Variants in ANKLE1 observed in about 807,000 individuals in gnomAD.
The protein encoded by ANKLE1 is ankyrin repeat and LEM domain containing 1.
A neutral mutation model predicts 56.2 loss-of-function variants in ANKLE1; 59 were observed. The observed-to-expected ratio is 1.05, with a 90% CI of 0.85 to 1.30. ANKLE1 has a LOEUF of 1.30. ANKLE1 is among the 50% of genes most tolerant of loss of function. ANKLE1 has a pLI of 0.00. For missense variants in ANKLE1, 771 were observed against 816.1 expected, an observed-to-expected ratio of 0.94 and a Z score of 0.67; for synonymous variants, 341 against 352.9, an observed-to-expected ratio of 0.97 and a Z score of 0.38.
chr19:17,284,190 G>C lies in ANKLE1; in HGVS notation c.1300G>C (p.Glu434Gln). 1.2e-6 allele frequency: 2 copies of C among 1,613,854 alleles called. No individual in the cohort carries two copies. The highest frequency in any genetic ancestry group is 1.7e-6 in the Non-Finnish European group (2 of 1,179,882). Residue 434 changes from glutamate (E) to glutamine (Q), a missense_variant, in exon 6 of 9, where the codon GAG (glutamate) becomes CAG (glutamine). Physicochemically the swap from Glu to Gln is conservative, Grantham distance 29. Transcript: ENST00000404085. Reference sequence around the variant, plus strand: ...TGAAGACGCGCTGGCCCAGCAGTTTGAGCAGCCAGATCCTGCCAGGAGGTG... The same window carrying C: ...TGAAGACGCGCTGGCCCAGCAGTTTCAGCAGCCAGATCCTGCCAGGAGGTG... ...ADEDALAQQF[E>Q]QPDPARRWRE...
chr19:17,282,824 A>AGAGG, intron 3 of ANKLE1, 40 bp from the exon 4 acceptor site: 2 of 1,583,166 alleles, frequency 1.3e-6, no homozygotes, highest in Non-Finnish European at 1.7e-6. Context: ...AAGGAAGGTA[A>AGAGG]GAGGGCCTCG....
rs1272599249 is a variant in ANKLE1 at position 17,286,605 on chromosome 19, T to TGCCCCATGCTGACAGCA, written c.*59_*75dup. On this transcript the variant is annotated 3_prime_UTR_variant, in exon 9 of 9. Transcript: ENST00000404085. ...GGGAGAAATGTTTGAATGTTCCAGC[T>TGCCCCATGCTGACAGCA]GCCCCATGCTGACAGCAGCCCCCAT... The TGCCCCATGCTGACAGCA allele has an allele frequency of 6.4e-7, 1 of 1,555,182 alleles. No homozygotes were observed.
At position 17,282,905 on chromosome 19, in the gene ANKLE1, C is replaced by T. The variant is rs1461305522; in HGVS notation, c.363C>T (p.His121=). ...RPLDLALQQG[H]LECARVLQDL... ...TGGACCTGGCCCTGCAGCAGGGACA[C>T]CTGGAGTGCGCGCGAGTCCTGCAGG... The change falls in exon 4 of 9, where the codon CAC becomes CAT. Residue 121 remains histidine, a synonymous_variant. Coordinates refer to ENST00000404085, the MANE Select transcript of ANKLE1 (RefSeq NM_152363.6). The T allele has an allele frequency of 1.3e-6, 2 of 1,576,346 alleles. No individual in the cohort carries two copies. The highest frequency in any genetic ancestry group is 3.6e-5 in the Admixed American group (2 of 55,116).
In ANKLE1 at chr19:17,286,596, T is replaced by A. The variant is rs888050625; in HGVS notation, c.*44T>A. Reference sequence around the variant, plus strand: ...TCCAGCCTGGGGAGAAATGTTTGAATGTTCCAGCTGCCCCATGCTGACAGC... The same window carrying A: ...TCCAGCCTGGGGAGAAATGTTTGAAAGTTCCAGCTGCCCCATGCTGACAGC... On this transcript the variant is annotated 3_prime_UTR_variant, in exon 9 of 9. Transcript: ENST00000404085. 1.9e-6 allele frequency: 3 copies of A among 1,563,644 alleles called. No homozygotes were observed. Among genetic ancestry groups the A allele is most frequent in the African/African-American group, 2.7e-5 (2 of 73,464 alleles).
At chr19:17,282,626 G>A (rs1025183305) in intron 2 of ANKLE1, 30 bp from the exon 3 acceptor site, 7 of 1,528,206 alleles carry the variant, frequency 4.6e-6, no homozygotes, top group African/African-American at 1.4e-5. Context: ...GGCTGAGTCC[G>A]CAATGACCCC....
chr19:17,286,751 G>A lies in ANKLE1; in HGVS notation c.*199G>A. 6.9e-7 allele frequency: 1 copy of A among 1,442,098 alleles called. No individual in the cohort carries two copies. Among genetic ancestry groups the A allele is most frequent in the Non-Finnish European group, 9.1e-7 (1 of 1,094,164 alleles). The allele number at this position is 1,442,098 out of a possible 1,614,324, so 89.3% of individuals were successfully genotyped here. On this transcript the variant is annotated 3_prime_UTR_variant, in exon 9 of 9. Transcript: ENST00000404085. ...GGCAGATCTCCCCCAGGCTGAGAGA[G>A]GACTTTGTTACAGATGGTACTGCTG... is the stretch of plus-strand genomic sequence containing the variant.
rs369002862 is a variant in ANKLE1 at position 17,282,081 on chromosome 19, C to A, written c.87C>A (p.Cys29Ter). 214 of 1,540,200 alleles carry A rather than the reference C, an allele frequency of 1.4e-4. No homozygotes were observed. The African/African-American group carries it at 2.2e-3, about 16-fold the overall frequency. ...GGGCAGTAGAGGAGCTGCTGCGCTG[C>A]GGCGCGGACCCTAATTTGGTGCTAG... is the stretch of plus-strand genomic sequence containing the variant. ...EPWAVEELLR[C>*]GADPNLVLED... is the part of the protein sequence containing the mutation. Residue 29 changes from cysteine to a stop codon, truncating the protein, a stop_gained, in exon 2 of 9, where the codon TGC becomes TGA. Coordinates refer to ENST00000404085, the MANE Select transcript of ANKLE1 (RefSeq NM_152363.6). LOFTEE classifies it high-confidence loss of function.
At chr19:17,282,475 G>C in intron 2 of ANKLE1, 181 bp from the exon 3 acceptor site, 2 of 822,794 alleles carry the variant, frequency 2.4e-6, no homozygotes, top group Middle Eastern at 3.6e-4. Context: ...ACCAGGGTCA[G>C]ACGGCAGAGG....
intron 6 of ANKLE1, among the ~76,000 whole-genome samples, chr19:17,285,047 G>A (rs1156903455): frequency 6.6e-6 from 1 of 151,856 alleles, no homozygotes; most frequent in African/African-American, 2.4e-5. Flanking sequence ...ATCACCTGAG[G>A]TCAGCAGTTA....
Position 17,286,511 on chromosome 19 carries a change from G to A in ANKLE1, c.1807G>A (p.Glu603Lys), listed in dbSNP as rs184119045. 1.1e-4 allele frequency: 170 copies of A among 1,611,552 alleles called. 1 individual carries two copies. Among genetic ancestry groups the A allele is most frequent in the Non-Finnish European group, 1.4e-4 (163 of 1,179,240 alleles). ...RALLVFLAEGERQLHPQDIQA... is the reference protein window; with the variant it reads ...RALLVFLAEGKRQLHPQDIQA... ...CCTCCTTGTCTTCCTGGCTGAAGGCGAGCGACAGCTTCATCCCCAGGACAT... is the reference window on the plus strand; with the variant it reads ...CCTCCTTGTCTTCCTGGCTGAAGGCAAGCGACAGCTTCATCCCCAGGACAT... The change falls in exon 9 of 9, where the codon GAG (glutamate) becomes AAG (lysine). Residue 603 changes from glutamate (E) to lysine (K), a missense_variant. Transcript: ENST00000404085.
At position 17,286,420 on chromosome 19, in the gene ANKLE1, T is replaced by A. The variant is rs1341888448; in HGVS notation, c.1716T>A (p.Tyr572Ter). 1 of 1,608,792 alleles carries A rather than the reference T, an allele frequency of 6.2e-7. No individual in the cohort carries two copies. Among genetic ancestry groups the A allele is most frequent in the Non-Finnish European group, 8.5e-7 (1 of 1,177,548 alleles). The change falls in exon 9 of 9, where the codon TAT (tyrosine) becomes TAA (stop). Residue 572 changes from tyrosine to a stop codon, truncating the protein, a stop_gained. Coordinates refer to ENST00000404085, the MANE Select transcript of ANKLE1 (RefSeq NM_152363.6). LOFTEE classifies it high-confidence loss of function. ...CCAACCAGAAGCAAGGGCACTGCTATGGAGTGGTGGCAGGCTGGCCACCTG... is the reference window on the plus strand; with the variant it reads ...CCAACCAGAAGCAAGGGCACTGCTAAGGAGTGGTGGCAGGCTGGCCACCTG... ...TLTNQKQGHC[Y>*]GVVAGWPPAR...
Position 17,282,188 on chromosome 19 carries a change from A to C in ANKLE1, c.194A>C (p.Gln65Pro). The C allele has an allele frequency of 6.6e-7, 1 of 1,521,944 alleles. No individual in the cohort carries two copies. The highest frequency in any genetic ancestry group is 1.2e-5 in the South Asian group (1 of 81,340). 94.3% of individuals were successfully genotyped at this position (1,521,944 alleles called of 1,614,324 possible). A position where few individuals can be genotyped will look rare whatever the true frequency, so the allele number is the denominator to read the frequency against. Residue 65 changes from glutamine (Q) to proline (P), a missense_variant, in exon 2 of 9, where the codon CAA (glutamine) becomes CCA (proline). By Grantham distance (76) the Gln-to-Pro change is moderately conservative. Coordinates refer to ENST00000404085, the MANE Select transcript of ANKLE1 (RefSeq NM_152363.6). ...CGTTGCCTCGGGGCCCTACTGCGCC[A>C]AGGCGGGGACCCCAACGCTCGGTAA... Reference protein sequence around the residue: ...GLRCLGALLRQGGDPNARSVE... With the variant: ...GLRCLGALLRPGGDPNARSVE...
chr19:17,284,357 C>A, intron 6 of ANKLE1, 91 bp downstream of exon 6: 1 of 1,275,004 alleles, frequency 7.8e-7, no homozygotes, highest in Non-Finnish European at 1.1e-6. Context: ...AGGGACTGGC[C>A]CTAGAATCAT....
At position 17,283,166 on chromosome 19, in the gene ANKLE1, A is replaced by G. The variant is rs559041270; in HGVS notation, c.461-59A>G. On this transcript the variant is annotated intron_variant, in intron 4 of 8. Transcript: ENST00000404085. Reference sequence around the variant, plus strand: ...TGATCTCCTTTTTCTGTTTGATCCTATTCTCATCGCTGTCTCATCCCTCCT... The same window carrying G: ...TGATCTCCTTTTTCTGTTTGATCCTGTTCTCATCGCTGTCTCATCCCTCCT... 5.1e-6 allele frequency: 8 copies of G among 1,565,438 alleles called. No homozygotes were observed. The East Asian group carries it at 1.1e-4, about 22-fold the overall frequency.
In ANKLE1 at chr19:17,282,157, G is replaced by A. The variant is rs576818656; in HGVS notation, c.163G>A (p.Gly55Ser). 295 of 1,536,854 alleles carry A rather than the reference G, an allele frequency of 1.9e-4. 4 individuals are homozygous for A. In the Middle Eastern group the frequency reaches 4.1e-3, roughly 21 times the overall value. Residue 55 changes from glycine (G) to serine (S), a missense_variant, in exon 2 of 9, where the codon GGC becomes AGC. By Grantham distance (56) the Gly-to-Ser change is moderately conservative (BLOSUM62 0). Transcript: ENST00000404085. ...HLAAGARHPR[G>S]LRCLGALLRQ... ...GGCGGCCGGAGCCCGGCACCCGCGC[G>A]GCCTGCGTTGCCTCGGGGCCCTACT... is the stretch of plus-strand genomic sequence containing the variant.
At chr19:17,282,401 G>A (rs1415960321) in intron 2 of ANKLE1, 192 bp downstream of exon 2, 11 of 939,800 alleles carry the variant, frequency 1.2e-5, no homozygotes, top group Admixed American at 2.8e-5. Context: ...CAGACCGAGG[G>A]CGTGGAATGG....
At position 17,286,925 on chromosome 19, in the gene ANKLE1, A is replaced by T; in HGVS notation, c.*373A>T. 1 of 582,580 alleles carries T rather than the reference A, an allele frequency of 1.7e-6. No individual in the cohort carries two copies. Among genetic ancestry groups the T allele is most frequent in the Non-Finnish European group, 2.3e-6 (1 of 440,256 alleles). 36.1% of individuals were successfully genotyped at this position (582,580 alleles called of 1,614,324 possible). A position where few individuals can be genotyped will look rare whatever the true frequency, so the allele number is the denominator to read the frequency against. On this transcript the variant is annotated 3_prime_UTR_variant, in exon 9 of 9. Transcript: ENST00000404085. ...AGGAGCTGGGTAAAATGAGGCTGAA[A>T]CCTACTGGGCTGCATTCCCAGATGG... is the stretch of plus-strand genomic sequence containing the variant.
chr19:17,285,617 C>T lies in ANKLE1; in HGVS notation c.1536+27C>T, dbSNP rs372428932. On this transcript the variant is annotated intron_variant, in intron 7 of 8. Transcript: ENST00000404085. ...TGTGAGGACAGGGATCAGGGTTCAG[C>T]GAGGGCAGTCGGGCCATGGGCAGGG... 1.5e-4 allele frequency: 241 copies of T among 1,613,858 alleles called. 1 individual carries two copies. The African/African-American group carries it at 2.4e-3, about 16-fold the overall frequency.
rs2074036148 is a variant in ANKLE1, at chr19:17,286,662, G to GTGTGTGTGTT, written c.*119_*120insTTGTGTGTGT. 1.6e-5 allele frequency: 11 copies of GTGTGTGTGTT among 690,652 alleles called. No homozygotes were observed. Among genetic ancestry groups the GTGTGTGTGTT allele is most frequent in the Admixed American group, 2.8e-5 (1 of 35,604 alleles). 42.8% of individuals were successfully genotyped at this position (690,652 alleles called of 1,614,324 possible). Reference sequence around the variant, plus strand: ...TTTCAGAAGGGGTGTGTGTGTGTGTGTGTGTGTGTGTGTGTGTGTGTGTGT... The same window carrying GTGTGTGTGTT: ...TTTCAGAAGGGGTGTGTGTGTGTGTGTGTGTGTGTTTGTGTGTGTGTGTGTGTGTGTGTGT... On this transcript the variant is annotated 3_prime_UTR_variant, in exon 9 of 9. Transcript: ENST00000404085.
Sources: allele counts gnomAD v4.1 joint callset (sites outside exome capture counted in the v4.1 genomes callset), GRCh38; gene constraint gnomAD v4.1.1; transcripts MANE v1.5; gene names NCBI Gene and HGNC (gene_info 2026-07-23, HGNC 2026-07-21).